COG5: variants seen among roughly 807,000 people sequenced by gnomAD.
COG5 encodes the protein conserved oligomeric Golgi complex subunit 5.
COG5 carries 86 observed loss-of-function variants against 110.4 expected under a neutral mutation model. The observed-to-expected ratio is 0.78, with a 90% CI of 0.65 to 0.93. The LOEUF (loss-of-function observed/expected upper bound fraction) is 0.93. Ranked by LOEUF, COG5 falls within the 40% of genes least tolerant of loss-of-function variation. COG5 has a pLI of 0.00. For synonymous variants in COG5, 360 were observed against 334.6 expected (o/e 1.08, Z -0.83); for missense variants, 1,077 against 987.0 (o/e 1.09, Z -1.22).
At chr7:107,340,572 A>G (rs1221632098) in intron 10 of COG5, among the ~76,000 whole-genome samples, 1 of 152,132 alleles carries the variant, frequency 6.6e-6, no homozygotes, top group East Asian at 1.9e-4. Flanking sequence ...GGCAAAGGCA[A>G]AATGACAAAA....
chr7:107,245,157 T>G (rs909315363), intron 17 of COG5, among the ~76,000 whole-genome samples: 30 of 152,214 alleles, frequency 2.0e-4, no homozygotes, highest in African/African-American at 6.8e-4. Context: ...CTGATAAAAT[T>G]TAACACTTCT....
intron 19 of COG5, among the ~76,000 whole-genome samples, chr7:107,214,349 A>G (rs1799373602): frequency 6.6e-6 from 1 of 152,174 alleles, no homozygotes; most frequent in Non-Finnish European, 1.5e-5. Context: ...GATATATTTA[A>G]AGTGCTGCCA....
chr7:107,471,480 C>T (rs996520645), intron 6 of COG5: 6 of 151,878 alleles, frequency 4.0e-5, no homozygotes, highest in East Asian at 1.9e-4. Context: ...TCTTGTAACA[C>T]GACTTTAAGA....
chr7:107,492,129 C>T (rs928221780), intron 6 of COG5, among the ~76,000 whole-genome samples: 1 of 147,898 alleles, frequency 6.8e-6, no homozygotes, highest in African/African-American at 2.5e-5. Flanking sequence ...TCAGAAGAGC[C>T]AAAACATAGT....
chr7:107,284,214 G>A (rs1443785678), intron 12 of COG5, among the ~76,000 whole-genome samples: 2 of 152,116 alleles, frequency 1.3e-5, no homozygotes, highest in Non-Finnish European at 1.5e-5. Context: ...GTGAGCAACC[G>A]TGCCCGGCCT....
intron 6 of COG5, chr7:107,475,127 CT>C: frequency 6.2e-7 from 1 of 1,610,120 alleles, no homozygotes; most frequent in East Asian, 2.2e-5. Flanking sequence ...TTAGTCATGG[CT>C]TATGGAACAA....
chr7:107,335,211 GA>G (rs761428315), intron 10 of COG5, among the ~76,000 whole-genome samples: 1 of 152,116 alleles, frequency 6.6e-6, no homozygotes, highest in South Asian at 2.1e-4. Context: ...CCAAGATGGT[GA>G]AACCCTGCCT....
At chr7:107,266,737 C>T (rs919055975) in intron 14 of COG5, among the ~76,000 whole-genome samples, 1 of 152,110 alleles carries the variant, frequency 6.6e-6, no homozygotes, top group African/African-American at 2.4e-5. Context: ...AGAGGACTAA[C>T]CATGTTAAAG....
chr7:107,527,440 T>C (rs1397919893), intron 5 of COG5, 83 bp from the exon 6 acceptor site: 1 of 1,478,274 alleles, frequency 6.8e-7, no homozygotes, highest in Non-Finnish European at 9.3e-7. Flanking sequence ...GCACAGTGGG[T>C]TGATAGGTGC....
chr7:107,493,264 A>G (rs1798080241), intron 6 of COG5, among the ~76,000 whole-genome samples: 1 of 152,156 alleles, frequency 6.6e-6, no homozygotes, highest in Admixed American at 6.5e-5. Flanking sequence ...GTGAGATACT[A>G]CATTTCTGTT....
chr7:107,556,010 T>G (rs1274297509), intron 2 of COG5, among the ~76,000 whole-genome samples: 1 of 149,594 alleles, frequency 6.7e-6, no homozygotes, highest in Admixed American at 6.7e-5. Context: ...CAAGACTCTG[T>G]CTCAAAGAAA....
intron 6 of COG5, among the ~76,000 whole-genome samples, chr7:107,423,607 T>A (rs1450840443): frequency 6.7e-6 from 1 of 150,332 alleles, no homozygotes; most frequent in Non-Finnish European, 1.5e-5. Context: ...TACACAAAAG[T>A]CTTCAAAACA....
intron 10 of COG5, among the ~76,000 whole-genome samples, chr7:107,355,894 T>C (rs1366096309): frequency 1.3e-5 from 2 of 152,174 alleles, no homozygotes; most frequent in African/African-American, 2.4e-5. Context: ...TTGTGAACAG[T>C]GGTATATTTG....
At chr7:107,300,055 T>A (rs370064413) in intron 11 of COG5, among the ~76,000 whole-genome samples, 1 of 151,748 alleles carries the variant, frequency 6.6e-6, no homozygotes, top group African/African-American at 2.4e-5. Flanking sequence ...ATGTGATTCA[T>A]ATTTTAACAA....
intron 6 of COG5, among the ~76,000 whole-genome samples, chr7:107,467,009 A>T (rs1796329517): frequency 6.6e-6 from 1 of 152,242 alleles, no homozygotes; most frequent in African/African-American, 2.4e-5. Flanking sequence ...TGATATGAAT[A>T]GTACAATGTA....
At chr7:107,451,697 C>A (rs1157674425) in intron 6 of COG5, among the ~76,000 whole-genome samples, 1 of 152,152 alleles carries the variant, frequency 6.6e-6, no homozygotes, top group Non-Finnish European at 1.5e-5. Flanking sequence ...CTTTGATGAT[C>A]CACTTCCAAT....
intron 12 of COG5, among the ~76,000 whole-genome samples, chr7:107,295,675 T>C (rs1321270146): frequency 1.3e-5 from 2 of 152,224 alleles, no homozygotes; most frequent in South Asian, 4.1e-4. Context: ...ATATCTCGTT[T>C]TCCTCACCAA....
At chr7:107,356,054 C>A (rs780864112) in intron 10 of COG5, among the ~76,000 whole-genome samples, 1 of 152,014 alleles carries the variant, frequency 6.6e-6, no homozygotes, top group African/African-American at 2.4e-5. Flanking sequence ...CCTAAAGCTG[C>A]CCTAAAATCA....
At chr7:107,267,093 CT>C (rs2116690973) in intron 14 of COG5, among the ~76,000 whole-genome samples, 1 of 152,186 alleles carries the variant, frequency 6.6e-6, no homozygotes, top group Admixed American at 6.5e-5. Context: ...AAAATCATGT[CT>C]TGTTTATGCA....
Sources: gnomAD v4.1 joint callset for allele counts (sites outside exome capture counted in the v4.1 genomes callset) on GRCh38, gnomAD v4.1.1 for gene constraint, MANE v1.5 for transcripts, NCBI Gene and HGNC (gene_info 2026-07-23, HGNC 2026-07-21) for gene names.